AGBL1: variants seen among roughly 807,000 people sequenced by gnomAD.
The protein encoded by AGBL1 is cytosolic carboxypeptidase 4.
AGBL1 carries 130 observed loss-of-function variants against 118.9 expected under a neutral mutation model. That is an observed-to-expected ratio of 1.09 (90% CI 0.95 to 1.26). The LOEUF (loss-of-function observed/expected upper bound fraction) is 1.26, where lower values mean the gene tolerates loss of function less well. Ranked by LOEUF, AGBL1 falls within the 50% of genes most tolerant of loss-of-function variation. AGBL1 has a pLI of 0.00. For synonymous variants in AGBL1, 555 were observed against 478.9 expected, an observed-to-expected ratio of 1.16 and a Z score of -2.08; for missense variants, 1,584 against 1,298.1, an observed-to-expected ratio of 1.22 and a Z score of -3.38.
chr15:86,384,096 C>G (rs149763919), intron 17 of AGBL1, among the ~76,000 whole-genome samples: 1 of 152,256 alleles, frequency 6.6e-6, no homozygotes, highest in East Asian at 1.9e-4. Context: ...GTCTAGATTG[C>G]TGTACCGCGT....
intron 6 of AGBL1, among the ~76,000 whole-genome samples, chr15:86,235,454 A>G (rs754409567): frequency 1.3e-5 from 2 of 152,218 alleles, no homozygotes; most frequent in Non-Finnish European, 2.9e-5. Context: ...TAGAACTTGT[A>G]TCATCCCGGC....
chr15:87,028,364 G>T (rs1417690572), intron 24 of AGBL1, among the ~76,000 whole-genome samples: 1 of 151,916 alleles, frequency 6.6e-6, no homozygotes, highest in Non-Finnish European at 1.5e-5. Context: ...AGACTCAAAC[G>T]TGGTTAGTGA....
At chr15:86,949,226 C>G (rs2080854597) in intron 23 of AGBL1, among the ~76,000 whole-genome samples, 1 of 152,080 alleles carries the variant, frequency 6.6e-6, no homozygotes, top group Non-Finnish European at 1.5e-5. Flanking sequence ...CAGATTGCAG[C>G]AGACCCATGT....
At chr15:86,504,610 T>C (rs564065352) in intron 18 of AGBL1, among the ~76,000 whole-genome samples, 1 of 151,650 alleles carries the variant, frequency 6.6e-6, no homozygotes, top group South Asian at 2.1e-4. Flanking sequence ...ATTTATAATA[T>C]TGATATATAA....
chr15:86,440,634 G>C (rs1288902415), intron 18 of AGBL1, among the ~76,000 whole-genome samples: 1 of 152,010 alleles, frequency 6.6e-6, no homozygotes, highest in African/African-American at 2.4e-5. Context: ...AAGGAAATGA[G>C]TCCAGTAGTT....
intron 24 of AGBL1, among the ~76,000 whole-genome samples, chr15:87,027,455 GAT>G: frequency 2.7e-5 from 1 of 37,628 alleles, no homozygotes; most frequent in East Asian, 1.1e-3. Context: ...CTATTATATA[GAT>G]GTATTATGCA....
At chr15:86,474,766 C>T (rs996397380) in intron 18 of AGBL1, among the ~76,000 whole-genome samples, 6 of 152,228 alleles carry the variant, frequency 3.9e-5, no homozygotes, top group African/African-American at 1.4e-4. Flanking sequence ...TGAGAACGGA[C>T]AGACTGCCTC....
intron 24 of AGBL1, among the ~76,000 whole-genome samples, chr15:87,006,414 G>A (rs12323959): frequency 0.015 from 2,225 of 152,230 alleles, 56 homozygotes; most frequent in African/African-American, 0.05. Context: ...CCCGAGCCTC[G>A]CTGCTGCCTT....
In AGBL1 at chr15:86,264,540, C is replaced by G. The variant is rs544641235; in HGVS notation, c.1369C>G (p.Pro457Ala). The change falls in exon 11 of 23, where the codon CCT becomes GCT. Residue 457 changes from proline to alanine, a missense_variant. Pro to Ala is a conservative substitution (Grantham distance 27). Transcript: ENST00000614907. ...GAGAGATTCTTCTGAAAGTGAAATC[C>G]CTGACATTCAGGCTTCCCCGAAAGC... ...LRRDSSESEI[P>A]DIQASPKADA... is the part of the protein sequence containing the mutation. The G allele has an allele frequency of 1.2e-6, 2 of 1,613,980 alleles. No individual in the cohort carries two copies.
chr15:86,546,190 C>A, intron 20 of AGBL1, 57 bp downstream of exon 20: 2 of 1,499,222 alleles, frequency 1.3e-6, no homozygotes, highest in Non-Finnish European at 1.8e-6. Flanking sequence ...TTCATTCTTA[C>A]CTTTAAGACC....
intron 22 of AGBL1, among the ~76,000 whole-genome samples, chr15:86,869,197 G>A (rs78696391): frequency 2.0e-5 from 3 of 152,264 alleles, no homozygotes; most frequent in African/African-American, 7.2e-5. Flanking sequence ...AAGACAGAGA[G>A]GTGTGTCAGG....
rs534210742 is a variant in AGBL1, at chr15:86,335,576, A to G, written c.2374+40168A>G. On this transcript the variant is annotated intron_variant, in intron 17 of 22. Coordinates refer to ENST00000614907, the MANE Select transcript of AGBL1 (RefSeq NM_001386094.1). ...TTAAGTTGAGGATAGGATTAAGTGC[A>G]CTTGAACACACCAAAGTGAAGTTGC... Among the ~76,000 whole-genome samples the G allele has an allele frequency of 4.6e-4, 70 of 152,354 alleles. No individual in the cohort carries two copies. In the South Asian group the frequency reaches 0.013, roughly 27 times the overall value.
At chr15:87,012,430 T>C (rs1364803932) in intron 24 of AGBL1, among the ~76,000 whole-genome samples, 4 of 152,146 alleles carry the variant, frequency 2.6e-5, no homozygotes, top group Non-Finnish European at 5.9e-5. Flanking sequence ...ACTGAATATA[T>C]GGTTCGAATA....
At chr15:86,383,315 C>T (rs2081139102) in intron 17 of AGBL1, among the ~76,000 whole-genome samples, 1 of 149,086 alleles carries the variant, frequency 6.7e-6, no homozygotes, top group Non-Finnish European at 1.5e-5. Flanking sequence ...GGGCCGGGCG[C>T]AGTGGCTCAC....
At chr15:86,239,007 G>A (rs1285769966) in intron 6 of AGBL1, among the ~76,000 whole-genome samples, 1 of 140,158 alleles carries the variant, frequency 7.1e-6, no homozygotes, top group African/African-American at 3.3e-5. Context: ...GCTGAGGGTG[G>A]GGGAAGAGCA....
chr15:86,400,752 C>A (rs947557964), intron 18 of AGBL1, among the ~76,000 whole-genome samples: 1 of 152,014 alleles, frequency 6.6e-6, no homozygotes, highest in African/African-American at 2.4e-5. Flanking sequence ...ATAACAGTCT[C>A]CAACTCCATC....
intron 22 of AGBL1, among the ~76,000 whole-genome samples, chr15:86,888,902 T>C (rs529258555): frequency 6.6e-6 from 1 of 152,274 alleles, no homozygotes; most frequent in East Asian, 1.9e-4. Flanking sequence ...CATGCTACAT[T>C]CATTGGCTGG....
intron 22 of AGBL1, among the ~76,000 whole-genome samples, chr15:86,748,941 C>T (rs1312197690): frequency 6.6e-6 from 1 of 151,988 alleles, no homozygotes; most frequent in Non-Finnish European, 1.5e-5. Context: ...AGTCAGGTAG[C>T]ATGGTGCCTC....
At chr15:86,275,817 C>G (rs2079241794) in intron 15 of AGBL1, among the ~76,000 whole-genome samples, 1 of 152,154 alleles carries the variant, frequency 6.6e-6, no homozygotes, top group African/African-American at 2.4e-5. Flanking sequence ...GGCTGCTTCT[C>G]CATCTAGATG....
Sources: allele counts gnomAD v4.1 joint callset (sites outside exome capture counted in the v4.1 genomes callset), GRCh38; gene constraint gnomAD v4.1.1; transcripts MANE v1.5; gene names NCBI Gene and HGNC (gene_info 2026-07-23, HGNC 2026-07-21).